SLC43A1: variants seen among roughly 807,000 people sequenced by gnomAD.
SLC43A1 encodes the protein solute carrier family 43 member 1, also known as large neutral amino acids transporter small subunit 3.
A neutral mutation model predicts 59.5 loss-of-function variants in SLC43A1; 31 were observed. That is an observed-to-expected ratio of 0.52 (90% CI 0.39 to 0.70). SLC43A1 has a LOEUF of 0.70. Among genes scored for constraint, SLC43A1 ranks in the 30% least tolerant of loss-of-function variants. SLC43A1 has a pLI of 0.00. For synonymous variants in SLC43A1, 259 were observed against 290.9 expected (o/e 0.89, Z 1.12); for missense variants, 598 against 717.8 (o/e 0.83, Z 1.91).
chr11:57,496,945 G>C lies in SLC43A1; in HGVS notation c.559-781C>G, dbSNP rs1353617090. ...TTTTCCTCCCTAGGGGCAGGACAGA[G>C]CTTCAAAGGGCCACACCCCCAAATG... On this transcript the variant is annotated intron_variant, in intron 6 of 14. Transcript: ENST00000278426. Among the ~76,000 whole-genome samples, 4 of 152,234 alleles carry C rather than the reference G, an allele frequency of 2.6e-5. No individual in the cohort carries two copies. In the East Asian group the frequency reaches 5.8e-4, roughly 22 times the overall value.
At chr11:57,507,020 A>G (rs1170626174) in intron 2 of SLC43A1, among the ~76,000 whole-genome samples, 1 of 152,192 alleles carries the variant, frequency 6.6e-6, no homozygotes, top group Non-Finnish European at 1.5e-5. Flanking sequence ...AGTTGATACT[A>G]GTGAATGCTT....
intron 5 of SLC43A1, 147 bp from the exon 6 acceptor site, chr11:57,497,992 C>T (rs887440402): frequency 1.7e-5 from 10 of 599,382 alleles, no homozygotes; most frequent in African/African-American, 3.7e-5. Flanking sequence ...GGAAACTGTA[C>T]TCTGCCCCCT....
In SLC43A1 at chr11:57,514,023, A is replaced by G; in HGVS notation, c.89T>C (p.Leu30Pro). 3 of 1,597,840 alleles carry G rather than the reference A, an allele frequency of 1.9e-6. No individual in the cohort carries two copies. The highest frequency in any genetic ancestry group is 2.6e-6 in the Non-Finnish European group (3 of 1,171,410). Residue 30 changes from leucine (L) to proline (P), a missense_variant, in exon 2 of 15, where the codon CTC becomes CCC. Transcript: ENST00000278426. This position sits in a 1 kb window ranked among gnomAD's most constrained non-coding sequence, Gnocchi z 5.5. ...VLENLFFSAV[L>P]LGWGSLLIIL... The stretch of plus-strand genomic sequence containing the variant: ...GATCAACAGGGAGCCCCAGCCCAGG[A>G]GTACAGCAGAGAAGAAGAGGTTCTC...
chr11:57,503,796 T>C (rs181086638), intron 2 of SLC43A1, among the ~76,000 whole-genome samples: 1 of 152,212 alleles, frequency 6.6e-6, no homozygotes, highest in East Asian at 1.9e-4. Context: ...TGTTTTGCTC[T>C]GCTGGCAATG....
Position 57,491,313 on chromosome 11 carries a change from G to A in SLC43A1, c.1104C>T (p.Leu368=). 1 of 1,611,398 alleles carries A rather than the reference G, an allele frequency of 6.2e-7. No individual in the cohort carries two copies. The highest frequency in any genetic ancestry group is 2.2e-5 in the East Asian group (1 of 44,868). Residue 368 remains leucine, a synonymous_variant, in exon 11 of 15, where the codon CTC becomes CTT. Coordinates refer to ENST00000278426, the MANE Select transcript of SLC43A1 (RefSeq NM_003627.6). The stretch of plus-strand genomic sequence containing the variant: ...TGATGTAGCCAATGAGGGGGCAGGT[G>A]AGAAGGCACAACAGCTGCATGGCCC... The part of the protein sequence containing the change: ...VFGAMQLLCL[L]TCPLIGYIMD...
chr11:57,487,002 T>G (rs951627663), intron 14 of SLC43A1, 93 bp downstream of exon 14: 10 of 1,401,684 alleles, frequency 7.1e-6, no homozygotes, highest in Non-Finnish European at 1.0e-5. Flanking sequence ...TGCCTCTGGC[T>G]GAGATGAGTG....
At chr11:57,488,835 TG>T in intron 13 of SLC43A1, 80 bp downstream of exon 13, 2 of 1,203,940 alleles carry the variant, frequency 1.7e-6, no homozygotes, top group Non-Finnish European at 2.5e-6. Context: ...AGGGGATGCC[TG>T]GGGCCCTCCC....
rs1943687415 is a variant in SLC43A1 at position 57,484,924 on chromosome 11, G to T, written c.*172C>A. The T allele has an allele frequency of 5.0e-6, 4 of 805,164 alleles. No individual in the cohort carries two copies. The highest frequency in any genetic ancestry group is 5.5e-6 in the Non-Finnish European group (3 of 548,978). 49.9% of individuals were successfully genotyped at this position (805,164 alleles called of 1,614,324 possible). ...GTTGACTTAGGGGGCGTTTTTGAAG[G>T]TTTTTTTTCCTCCTTTTTGCAGTCT... is the stretch of plus-strand genomic sequence containing the variant. On this transcript the variant is annotated 3_prime_UTR_variant, in exon 15 of 15. Transcript: ENST00000278426.
chr11:57,504,180 G>C (rs926120160), intron 2 of SLC43A1, among the ~76,000 whole-genome samples: 1 of 152,186 alleles, frequency 6.6e-6, no homozygotes. Flanking sequence ...CTGGGTGACA[G>C]AGCAAGACTC....
At chr11:57,513,935 AC>A in intron 2 of SLC43A1, 22 bp downstream of exon 2, 1 of 464,060 alleles carries the variant, frequency 2.2e-6, no homozygotes, top group Non-Finnish European at 3.9e-6. Flanking sequence ...CCCCCAGCCC[AC>A]CCAGCCCATT....
At chr11:57,512,771 C>T (rs1350036988) in intron 2 of SLC43A1, among the ~76,000 whole-genome samples, 1 of 151,928 alleles carries the variant, frequency 6.6e-6, no homozygotes, top group African/African-American at 2.4e-5. Flanking sequence ...CCTCCTCCAG[C>T]CCCTGTCACC....
At chr11:57,506,171 C>A (rs1748217139) in intron 2 of SLC43A1, among the ~76,000 whole-genome samples, 2 of 152,152 alleles carry the variant, frequency 1.3e-5, no homozygotes, top group South Asian at 4.2e-4. Flanking sequence ...CATAGTGAGA[C>A]CCCATCTATA....
chr11:57,514,974 G>T lies in SLC43A1; in HGVS notation c.-14+470C>A. The T allele has an allele frequency of 1.0e-6, 1 of 975,534 alleles. No homozygotes were observed. The highest frequency in any genetic ancestry group is 1.2e-6 in the Non-Finnish European group (1 of 820,960). The allele number at this position is 975,534 out of a possible 1,614,324, so 60.4% of individuals were successfully genotyped here. A position where few individuals can be genotyped will look rare whatever the true frequency, so the allele number is the denominator to read the frequency against. Reference sequence around the variant, plus strand: ...AGCCCCAGCTCCCCCCGCCGCGGCCGCTGCAGCCTCGGCGGGAGGAGAGGG... The same window carrying T: ...AGCCCCAGCTCCCCCCGCCGCGGCCTCTGCAGCCTCGGCGGGAGGAGAGGG... On this transcript the variant is annotated intron_variant, in intron 1 of 14. Transcript: ENST00000278426. The surrounding 1 kb of genome is among the most constrained non-coding windows in gnomAD (Gnocchi z 5.5).
Sources: gnomAD v4.1 joint callset for allele counts (sites outside exome capture counted in the v4.1 genomes callset) on GRCh38, gnomAD v4.1.1 for gene constraint, Gnocchi (gnomAD v3.1) non-coding constraint, MANE v1.5 for transcripts, NCBI Gene and HGNC (gene_info 2026-07-23, HGNC 2026-07-21) for gene names.